The following WDFY2 variants were observed in gnomAD, a reference collection of about 807,000 sequenced individuals.
WDFY2 encodes the protein WD repeat and FYVE domain-containing protein 2.
WDFY2 carries 36 observed loss-of-function variants against 56.4 expected under a neutral mutation model. The observed-to-expected ratio is 0.64, with a 90% CI of 0.49 to 0.84. The LOEUF (loss-of-function observed/expected upper bound fraction) is 0.84, where lower values mean the gene tolerates loss of function less well. WDFY2 is among the 40% of genes least tolerant of loss of function. The pLI is 0.00. For synonymous variants in WDFY2, 176 were observed against 183.7 expected (o/e 0.96, Z 0.34); for missense variants, 444 against 512.2 (o/e 0.87, Z 1.29).
chr13:51,709,616 C>A (rs1265938611), intron 4 of WDFY2, among the ~76,000 whole-genome samples: 1 of 151,974 alleles, frequency 6.6e-6, no homozygotes, highest in Non-Finnish European at 1.5e-5. Flanking sequence ...ACCACCGATC[C>A]CACAGAAATA....
At chr13:51,622,894 G>A (rs922062711) in intron 1 of WDFY2, among the ~76,000 whole-genome samples, 1 of 136,118 alleles carries the variant, frequency 7.3e-6, no homozygotes, top group Non-Finnish European at 1.5e-5. Flanking sequence ...GTCTAGCTCT[G>A]CCACCCAGGC....
At chr13:51,641,865 A>G (rs996638653) in intron 1 of WDFY2, among the ~76,000 whole-genome samples, 9 of 150,588 alleles carry the variant, frequency 6.0e-5, no homozygotes, top group Admixed American at 4.6e-4. Context: ...TATTTTGTCT[A>G]ATGTTCCAGG....
intron 6 of WDFY2, among the ~76,000 whole-genome samples, chr13:51,729,764 T>C (rs1469304167): frequency 1.3e-5 from 2 of 152,260 alleles, no homozygotes; most frequent in African/African-American, 2.4e-5. Context: ...CCATGTCTTA[T>C]AGCAAGTTCC....
At chr13:51,746,279 C>T (rs904602847) in intron 7 of WDFY2, among the ~76,000 whole-genome samples, 2 of 152,156 alleles carry the variant, frequency 1.3e-5, no homozygotes, top group African/African-American at 4.8e-5. Flanking sequence ...ATTTGCCATA[C>T]CAAGGCTAGA....
intron 1 of WDFY2, among the ~76,000 whole-genome samples, chr13:51,608,021 CTT>C (rs1954416581): frequency 6.6e-6 from 1 of 152,136 alleles, no homozygotes; most frequent in Non-Finnish European, 1.5e-5. Flanking sequence ...TGCTGGAAGT[CTT>C]TAGAAGCTGG....
intron 8 of WDFY2, 108 bp downstream of exon 8, chr13:51,751,523 G>GT (rs1953237007): frequency 9.4e-7 from 1 of 1,061,168 alleles, no homozygotes; most frequent in Non-Finnish European, 1.4e-6. Context: ...GGCATGTAAC[G>GT]TTAAAGAATT....
chr13:51,671,373 A>T (rs1219599583), intron 2 of WDFY2, among the ~76,000 whole-genome samples: 1 of 152,140 alleles, frequency 6.6e-6, no homozygotes, highest in Non-Finnish European at 1.5e-5. Context: ...CCATGCCAAC[A>T]TCTATTATAT....
intron 1 of WDFY2, among the ~76,000 whole-genome samples, chr13:51,625,205 G>A (rs1369635664): frequency 2.6e-5 from 4 of 152,194 alleles, no homozygotes; most frequent in Non-Finnish European, 5.9e-5. Context: ...GTAAGAGGTG[G>A]TAAGGTCTGG....
At chr13:51,732,435 A>C (rs1471694941) in intron 6 of WDFY2, among the ~76,000 whole-genome samples, 1 of 152,206 alleles carries the variant, frequency 6.6e-6, no homozygotes, top group Admixed American at 6.5e-5. Flanking sequence ...TCATATTTTG[A>C]CCACTGGAAA....
chr13:51,636,063 T>G (rs934150684), intron 1 of WDFY2, among the ~76,000 whole-genome samples: 1 of 152,116 alleles, frequency 6.6e-6, no homozygotes, highest in Non-Finnish European at 1.5e-5. Context: ...TTCAACATGC[T>G]GGGTGCACAA....
At chr13:51,628,065 C>G (rs763199344) in intron 1 of WDFY2, among the ~76,000 whole-genome samples, 9 of 152,340 alleles carry the variant, frequency 5.9e-5, no homozygotes, top group Non-Finnish European at 1.0e-4. Context: ...CTCAGGCCAT[C>G]CCTGTCTTGA....
chr13:51,734,141 T>C (rs1174541798), intron 6 of WDFY2, among the ~76,000 whole-genome samples: 1 of 152,200 alleles, frequency 6.6e-6, no homozygotes, highest in Admixed American at 6.5e-5. Flanking sequence ...GATCACACTC[T>C]GGGAAAGGCA....
chr13:51,615,803 T>C (rs1296802880), intron 1 of WDFY2, among the ~76,000 whole-genome samples: 1 of 152,236 alleles, frequency 6.6e-6, no homozygotes, highest in African/African-American at 2.4e-5. Flanking sequence ...TATAAAGGAA[T>C]CAAGGTAAGA....
intron 6 of WDFY2, among the ~76,000 whole-genome samples, chr13:51,738,300 CTATTA>C (rs1183389369): frequency 6.6e-6 from 1 of 152,148 alleles, no homozygotes; most frequent in Non-Finnish European, 1.5e-5. Context: ...CATAGAAAAT[CTATTA>C]TAATATTTTA....
chr13:51,631,184 G>T (rs1220868627), intron 1 of WDFY2, among the ~76,000 whole-genome samples: 2 of 151,386 alleles, frequency 1.3e-5, no homozygotes, highest in South Asian at 2.1e-4. Context: ...TTGAGCCCAG[G>T]AGTTCAAGAC....
At chr13:51,619,255 C>G (rs1220694498) in intron 1 of WDFY2, among the ~76,000 whole-genome samples, 1 of 152,106 alleles carries the variant, frequency 6.6e-6, no homozygotes. Flanking sequence ...GAGTTTGAGA[C>G]CAGCTTGGGC....
intron 4 of WDFY2, among the ~76,000 whole-genome samples, chr13:51,714,331 G>A (rs1359032217): frequency 2.0e-5 from 3 of 151,532 alleles, no homozygotes; most frequent in East Asian, 1.9e-4. Flanking sequence ...CGTTCTTGTC[G>A]CCCAGGCTGG....
chr13:51,710,390 C>G (rs549738376), intron 4 of WDFY2, among the ~76,000 whole-genome samples: 2 of 152,184 alleles, frequency 1.3e-5, no homozygotes, highest in East Asian at 3.9e-4. Context: ...GACAGGGATG[C>G]CCTCTCTCAC....
chr13:51,731,259 A>G (rs1433062622), intron 6 of WDFY2, among the ~76,000 whole-genome samples: 1 of 152,106 alleles, frequency 6.6e-6, no homozygotes, highest in Non-Finnish European at 1.5e-5. Context: ...GGCTGATAGG[A>G]GCTCTGTGAG....
Sources: allele counts gnomAD v4.1 joint callset (sites outside exome capture counted in the v4.1 genomes callset), GRCh38; gene constraint gnomAD v4.1.1; transcripts MANE v1.5; gene names NCBI Gene and HGNC (gene_info 2026-07-23, HGNC 2026-07-21).